NAA50: variants seen among roughly 807,000 people sequenced by gnomAD.
The protein encoded by NAA50 is N-alpha-acetyltransferase 50.
In NAA50, 7 loss-of-function variants were observed where a neutral mutation model predicts 20.7. That is an observed-to-expected ratio of 0.34 (90% CI 0.19 to 0.63). The LOEUF is 0.63. Among genes scored for constraint, NAA50 ranks in the 30% least tolerant of loss-of-function variants. NAA50 has a pLI of 0.75. For synonymous variants in NAA50, 54 were observed against 70.6 expected, an observed-to-expected ratio of 0.77 and a Z score of 1.18; for missense variants, 111 against 199.1, an observed-to-expected ratio of 0.56 and a Z score of 2.66.
intron 1 of NAA50, among the ~76,000 whole-genome samples, chr3:113,745,548 A>G (rs1401008113): frequency 6.6e-6 from 1 of 152,188 alleles, no homozygotes; most frequent in Admixed American, 6.5e-5. Flanking sequence ...TCCAGAGTTG[A>G]GTCTGGAGGT....
At chr3:113,729,553 T>C (rs1272710083) in intron 1 of NAA50, among the ~76,000 whole-genome samples, 1 of 152,024 alleles carries the variant, frequency 6.6e-6, no homozygotes, top group Non-Finnish European at 1.5e-5. Flanking sequence ...TTTCTTTTTT[T>C]TTTTTTGAGA....
intron 1 of NAA50, among the ~76,000 whole-genome samples, chr3:113,729,542 CTTTCTT>C (rs1708244109): frequency 1.3e-5 from 2 of 148,684 alleles, no homozygotes; most frequent in Admixed American, 6.7e-5. Context: ...AGTTTTCTTT[CTTTCTT>C]TTTTTTTTTT....
intron 1 of NAA50, among the ~76,000 whole-genome samples, chr3:113,737,554 T>C (rs1004662373): frequency 2.0e-5 from 3 of 152,234 alleles, no homozygotes; most frequent in African/African-American, 7.2e-5. Context: ...TACAAACATT[T>C]ATTCTTGTAT....
chr3:113,745,616 C>T, intron 1 of NAA50: 1 of 353,916 alleles, frequency 2.8e-6, no homozygotes, highest in African/African-American at 2.1e-5. Context: ...CAGCGGTCCG[C>T]TCCCGGGAAG....
Position 113,721,507 on chromosome 3 carries a change from A to C in NAA50, c.*253T>G, listed in dbSNP as rs1198932659. ...TTTAGGACCATCTAACTTCAACTGC[A>C]AAACTAAACAGATCTACCTTGTCCT... On this transcript the variant is annotated 3_prime_UTR_variant, in exon 5 of 5. Transcript: ENST00000240922. The C allele has an allele frequency of 2.0e-6, 1 of 502,124 alleles. No individual in the cohort carries two copies. Among genetic ancestry groups the C allele is most frequent in the Non-Finnish European group, 3.5e-6 (1 of 284,448 alleles). 31.1% of individuals were successfully genotyped at this position (502,124 alleles called of 1,614,324 possible).
intron 1 of NAA50, among the ~76,000 whole-genome samples, chr3:113,739,751 C>G (rs1356654510): frequency 2.0e-5 from 3 of 152,158 alleles, no homozygotes; most frequent in Admixed American, 6.5e-5. Context: ...TGTTGGCCCA[C>G]AAGTTGAAAC....
chr3:113,727,926 T>TTTAACTCTCA (rs2107987177), intron 1 of NAA50, among the ~76,000 whole-genome samples: 1 of 152,236 alleles, frequency 6.6e-6, no homozygotes, highest in Admixed American at 6.5e-5. Context: ...TCAAATATAG[T>TTTAACTCTCA]TTAACTCTCA....
intron 1 of NAA50, among the ~76,000 whole-genome samples, chr3:113,736,292 A>G (rs1428789393): frequency 1.3e-5 from 2 of 152,226 alleles, no homozygotes; most frequent in Non-Finnish European, 2.9e-5. Flanking sequence ...AGACTAAGGA[A>G]AAGTGGGACA....
At chr3:113,729,534 TTTTC>T (rs149667287) in intron 1 of NAA50, among the ~76,000 whole-genome samples, 47,764 of 148,736 alleles carry the variant, frequency 0.32, 7,484 homozygotes, top group East Asian at 0.35. Flanking sequence ...TAATACGCAG[TTTTC>T]TTTCTTTCTT....
chr3:113,727,864 AG>A (rs1416894753), intron 1 of NAA50, among the ~76,000 whole-genome samples: 3 of 152,200 alleles, frequency 2.0e-5, no homozygotes, highest in African/African-American at 7.2e-5. Context: ...CAAATATGCT[AG>A]AAAAATTTCA....
intron 1 of NAA50, among the ~76,000 whole-genome samples, chr3:113,732,822 A>ATT (rs1207932613): frequency 6.6e-6 from 1 of 152,176 alleles, no homozygotes; most frequent in Admixed American, 6.5e-5. Flanking sequence ...AGTGAAACCC[A>ATT]TTTCAGACAT....
chr3:113,727,628 T>C (rs573913823), intron 1 of NAA50, among the ~76,000 whole-genome samples: 6 of 151,126 alleles, frequency 4.0e-5, no homozygotes, highest in South Asian at 2.1e-4. Flanking sequence ...AAAAAATACA[T>C]GCCTTTTTTT....
chr3:113,739,972 T>C (rs892834953), intron 1 of NAA50, among the ~76,000 whole-genome samples: 1 of 152,164 alleles, frequency 6.6e-6, no homozygotes, highest in African/African-American at 2.4e-5. Context: ...GGGGAAGAAA[T>C]CATTTCAACA....
At position 113,735,020 on chromosome 3, in the gene NAA50, A is replaced by C. The variant is rs1039586623; in HGVS notation, c.8+10922T>G. ...TTTAAATGAAAGAATTCTCTTTTAT[A>C]ACACATTGCTTTGACAGCTATTTCC... On this transcript the variant is annotated intron_variant, in intron 1 of 4. Transcript: ENST00000240922. Among the ~76,000 whole-genome samples the C allele has an allele frequency of 4.6e-5, 7 of 152,252 alleles. No individual in the cohort carries two copies. In the East Asian group the frequency reaches 7.7e-4, roughly 17 times the overall value.
chr3:113,722,066 G>A (rs1044566384), intron 4 of NAA50, 129 bp from the exon 5 acceptor site: 2 of 817,944 alleles, frequency 2.4e-6, no homozygotes, highest in Non-Finnish European at 3.7e-6. Context: ...ACAAGGGTTA[G>A]GCATGCTTAC....
chr3:113,721,882 C>G lies in NAA50; in HGVS notation c.388G>C (p.Glu130Gln), dbSNP rs976689805. The change falls in exon 5 of 5, where the codon GAG becomes CAG. Residue 130 changes from glutamate to glutamine, a missense_variant. Glu to Gln is a conservative substitution (Grantham distance 29, BLOSUM62 2). Transcript: ENST00000240922. ...TAGTTCTTCTTTGTCTCAATAATCT[C>G]AAAGCCAAACTTCCTGTAGAAGTCA... is the stretch of plus-strand genomic sequence containing the variant. ...AIDFYRKFGF[E>Q]IIETKKNYYK... 6.2e-7 allele frequency: 1 copy of G among 1,613,886 alleles called. No homozygotes were observed. Among genetic ancestry groups the G allele is most frequent in the Non-Finnish European group, 8.5e-7 (1 of 1,179,826 alleles).
rs1409612850 is a variant in NAA50 at position 113,719,662 on chromosome 3, A to G, written c.*2098T>C. ...GGAAAAAGAAACTCTATATATAATG[A>G]TAGGGAGCCTACACACTCAATTCAA... is the stretch of plus-strand genomic sequence containing the variant. On this transcript the variant is annotated 3_prime_UTR_variant, in exon 5 of 5. Transcript: ENST00000240922. 1 of 152,522 alleles carries G rather than the reference A, an allele frequency of 6.6e-6. No individual in the cohort carries two copies. Among genetic ancestry groups the G allele is most frequent in the Non-Finnish European group, 1.5e-5 (1 of 68,022 alleles). The allele number at this position is 152,522 out of a possible 1,614,324, so 9.4% of individuals were successfully genotyped here. A position where few individuals can be genotyped will look rare whatever the true frequency, so the allele number is the denominator to read the frequency against.
chr3:113,724,184 ATGAT>A (rs1577067452), intron 1 of NAA50, 89 bp from the exon 2 acceptor site: 2 of 1,292,648 alleles, frequency 1.5e-6, no homozygotes, highest in East Asian at 5.4e-5. Context: ...TCTTTTTTAC[ATGAT>A]TGATAAATCC....
At chr3:113,727,813 T>C (rs1254350551) in intron 1 of NAA50, among the ~76,000 whole-genome samples, 1 of 152,138 alleles carries the variant, frequency 6.6e-6, no homozygotes, top group Admixed American at 6.5e-5. Context: ...GTTGGAAAAA[T>C]TAAGCTGTTT....
Sources: allele counts gnomAD v4.1 joint callset (sites outside exome capture counted in the v4.1 genomes callset), GRCh38; gene constraint gnomAD v4.1.1; transcripts MANE v1.5; gene names NCBI Gene and HGNC (gene_info 2026-07-23, HGNC 2026-07-21).